Variants in CRTC1 observed in about 807,000 individuals in gnomAD.
The protein encoded by CRTC1 is CREB-regulated transcription coactivator 1.
A neutral mutation model predicts 66.1 loss-of-function variants in CRTC1; 18 were observed. The observed-to-expected ratio is 0.27, with a 90% CI of 0.19 to 0.40. The LOEUF is 0.40. CRTC1 is among the 10% of genes least tolerant of loss of function. CRTC1 has a pLI of 1.00. For missense variants in CRTC1, 669 were observed against 887.9 expected, an observed-to-expected ratio of 0.75 and a Z score of 3.13; for synonymous variants, 416 against 398.8, an observed-to-expected ratio of 1.04 and a Z score of -0.51.
chr19:18,715,583 G>A (rs2053489026), intron 1 of CRTC1, among the ~76,000 whole-genome samples: 1 of 152,206 alleles, frequency 6.6e-6, no homozygotes, highest in South Asian at 2.1e-4. Context: ...AAGTACTGTG[G>A]TGCAGGCCCC....
chr19:18,744,287 G>T, intron 2 of CRTC1: 1 of 791,704 alleles, frequency 1.3e-6, no homozygotes, highest in Non-Finnish European at 2.0e-6. Flanking sequence ...AGGTGGAGGT[G>T]TCCCGTCCGC....
At chr19:18,752,294 A>C (rs1033388268) in intron 5 of CRTC1, among the ~76,000 whole-genome samples, 2 of 152,104 alleles carry the variant, frequency 1.3e-5, no homozygotes, top group African/African-American at 4.8e-5. Flanking sequence ...GAATCCACAC[A>C]TCCTCAGGCT....
chr19:18,709,832 G>A (rs2053348788), intron 1 of CRTC1, among the ~76,000 whole-genome samples: 1 of 152,178 alleles, frequency 6.6e-6, no homozygotes, highest in African/African-American at 2.4e-5. Context: ...CCGTGGATGG[G>A]CTGCTGCTCC....
chr19:18,701,211 C>T (rs1218706914), intron 1 of CRTC1, among the ~76,000 whole-genome samples: 1 of 152,266 alleles, frequency 6.6e-6, no homozygotes, highest in Non-Finnish European at 1.5e-5. Flanking sequence ...CGGGCCCGCC[C>T]CCAGAGCCCG....
At chr19:18,688,066 G>A (rs1043039449) in intron 1 of CRTC1, among the ~76,000 whole-genome samples, 1 of 152,102 alleles carries the variant, frequency 6.6e-6, no homozygotes, top group African/African-American at 2.4e-5. Flanking sequence ...AAGAGCCTGG[G>A]GTGCTGGGGC....
At chr19:18,701,244 C>T (rs1471644718) in intron 1 of CRTC1, among the ~76,000 whole-genome samples, 3 of 152,252 alleles carry the variant, frequency 2.0e-5, no homozygotes, top group South Asian at 2.1e-4. Context: ...CTGCTCTATG[C>T]GCCTCTGTTG....
In CRTC1 at chr19:18,777,652, C is replaced by T; in HGVS notation, c.*270C>T. On this transcript the variant is annotated 3_prime_UTR_variant, in exon 14 of 14. Coordinates refer to ENST00000321949, the MANE Select transcript of CRTC1 (RefSeq NM_015321.3). The surrounding 1 kb of genome is among the most constrained non-coding windows in gnomAD (Gnocchi z 5.5). Reference sequence around the variant, plus strand: ...CCCGCCCCTGCAGACCCTCCCTGCACTGGCTCCCTCGCCCCCAGCCCCGGG... The same window carrying T: ...CCCGCCCCTGCAGACCCTCCCTGCATTGGCTCCCTCGCCCCCAGCCCCGGG... 2.1e-6 allele frequency: 1 copy of T among 473,612 alleles called. No individual in the cohort carries two copies. Among genetic ancestry groups the T allele is most frequent in the Non-Finnish European group, 3.8e-6 (1 of 266,298 alleles). 29.3% of individuals were successfully genotyped at this position (473,612 alleles called of 1,614,324 possible). A position where few individuals can be genotyped will look rare whatever the true frequency, so the allele number is the denominator to read the frequency against.
rs200761111 is a variant in CRTC1 at position 18,685,357 on chromosome 19, G to GA, written c.126+1538dup. Among the ~76,000 whole-genome samples, 70 of 148,404 alleles carry GA rather than the reference G, an allele frequency of 4.7e-4. 1 individual carries two copies. In the Middle Eastern group the frequency reaches 0.014, roughly 29 times the overall value. On this transcript the variant is annotated intron_variant, in intron 1 of 13. Transcript: ENST00000321949. The stretch of plus-strand genomic sequence containing the variant: ...AGAGATGGCTGGTGAATGAATGAAT[G>GA]AAAAAAAAATAAGAAAATGGCCAGG...
At chr19:18,735,352 T>C (rs917620128) in intron 1 of CRTC1, among the ~76,000 whole-genome samples, 3 of 152,176 alleles carry the variant, frequency 2.0e-5, no homozygotes, top group African/African-American at 7.2e-5. Flanking sequence ...AAAGCTGGCC[T>C]GGAGGGTGTT....
intron 1 of CRTC1, among the ~76,000 whole-genome samples, chr19:18,689,583 A>ATATATATATATATATGTATG (rs60084986): frequency 4.3e-4 from 28 of 65,726 alleles, no homozygotes; most frequent in African/African-American, 2.7e-3. Context: ...ATATATATAT[A>ATATATATATATATATGTATG]TATGTAATAT....
At chr19:18,692,601 CAAAA>C (rs36124401) in intron 1 of CRTC1, among the ~76,000 whole-genome samples, 1 of 124,002 alleles carries the variant, frequency 8.1e-6, no homozygotes, top group Non-Finnish European at 1.8e-5. Context: ...AACTCTGTCT[CAAAA>C]AAAAAAAAAA....
At chr19:18,731,833 CTGGT>C (rs2053896660) in intron 1 of CRTC1, among the ~76,000 whole-genome samples, 1 of 152,232 alleles carries the variant, frequency 6.6e-6, no homozygotes, top group Non-Finnish European at 1.5e-5. Flanking sequence ...GAAGGCACTG[CTGGT>C]CACCTTTGTA....
At chr19:18,752,341 C>T (rs749121038) in intron 5 of CRTC1, among the ~76,000 whole-genome samples, 1 of 152,048 alleles carries the variant, frequency 6.6e-6, no homozygotes, top group African/African-American at 2.4e-5. Flanking sequence ...ATTTTAGAGA[C>T]AGGGTCTTGC....
At chr19:18,744,507 CACACAT>C (rs950727877) in intron 2 of CRTC1, among the ~76,000 whole-genome samples, 6 of 152,264 alleles carry the variant, frequency 3.9e-5, no homozygotes, top group Admixed American at 3.9e-4. Flanking sequence ...CACACACACA[CACACAT>C]ACACACACGT....
chr19:18,733,263 G>A (rs762252538), intron 1 of CRTC1, among the ~76,000 whole-genome samples: 2 of 152,156 alleles, frequency 1.3e-5, no homozygotes, highest in Non-Finnish European at 1.5e-5. Flanking sequence ...CAGGGTGGGC[G>A]CTTGGCCAGC....
At position 18,771,372 on chromosome 19, in the gene CRTC1, C is replaced by G; in HGVS notation, c.1321-70C>G. ...GCCTGGGGGCTGATCAGGCTGCTCC[C>G]GGGAAGCAGGGACTGGAGCCCGGGC... On this transcript the variant is annotated intron_variant, in intron 10 of 13. Coordinates refer to ENST00000321949, the MANE Select transcript of CRTC1 (RefSeq NM_015321.3). The surrounding 1 kb of genome is among the most constrained non-coding windows in gnomAD (Gnocchi z 4.6). 1.4e-6 allele frequency: 2 copies of G among 1,383,166 alleles called. No individual in the cohort carries two copies. Among genetic ancestry groups the G allele is most frequent in the Non-Finnish European group, 2.0e-6 (2 of 1,008,246 alleles). The allele number at this position is 1,383,166 out of a possible 1,614,324, so 85.7% of individuals were successfully genotyped here.
At position 18,742,071 on chromosome 19, in the gene CRTC1, A is replaced by G. The variant is rs547479315; in HGVS notation, c.127-839A>G. 6.6e-5 allele frequency among the ~76,000 whole-genome samples: 10 copies of G among 152,128 alleles called. No homozygotes were observed. The East Asian group carries it at 1.7e-3, about 26-fold the overall frequency. The stretch of plus-strand genomic sequence containing the variant: ...CACGGTGGCTGCCTCCCCCAGTTGC[A>G]TGGCAGGCATCATGGACCAGCATCC... On this transcript the variant is annotated intron_variant, in intron 1 of 13. Coordinates refer to ENST00000321949, the MANE Select transcript of CRTC1 (RefSeq NM_015321.3).
At chr19:18,702,841 G>C (rs1272004835) in intron 1 of CRTC1, among the ~76,000 whole-genome samples, 2 of 152,120 alleles carry the variant, frequency 1.3e-5, no homozygotes, top group Non-Finnish European at 2.9e-5. Context: ...TTTGTGAAAA[G>C]TTTTGGAGAT....
intron 1 of CRTC1, among the ~76,000 whole-genome samples, chr19:18,712,612 T>C (rs962462922): frequency 6.6e-6 from 1 of 152,146 alleles, no homozygotes; most frequent in Non-Finnish European, 1.5e-5. Context: ...ACCTTCTCAA[T>C]ATTGTACAGT....
Sources: allele counts gnomAD v4.1 joint callset (sites outside exome capture counted in the v4.1 genomes callset), GRCh38; gene constraint gnomAD v4.1.1; non-coding constraint Gnocchi (gnomAD v3.1); transcripts MANE v1.5; gene names NCBI Gene and HGNC (gene_info 2026-07-23, HGNC 2026-07-21).